The following SETD2 variants were observed in gnomAD, a reference collection of about 807,000 sequenced individuals.
SETD2 encodes histone-lysine N-methyltransferase SETD2.
Under a neutral mutation model 242.1 loss-of-function variants are expected in SETD2, and 31 were observed. The ratio of observed to expected loss-of-function variants is 0.13; its 90% CI spans 0.10 to 0.17. The LOEUF is 0.17. Among genes scored for constraint, SETD2 ranks in the 10% least tolerant of loss-of-function variants. SETD2 has a pLI of 1.00. For synonymous variants in SETD2, 1,006 were observed against 1,066.5 expected (o/e 0.94, Z 1.11); for missense variants, 2,481 against 3,046.3 (o/e 0.81, Z 4.37).
intron 12 of SETD2, among the ~76,000 whole-genome samples, chr3:47,080,155 A>G (rs1411456779): frequency 6.6e-6 from 1 of 152,206 alleles, no homozygotes; most frequent in Non-Finnish European, 1.5e-5. Context: ...AACTTTTCAT[A>G]GAGAGTTTTA....
intron 12 of SETD2, among the ~76,000 whole-genome samples, chr3:47,080,208 G>T (rs1231620722): frequency 6.6e-6 from 1 of 152,150 alleles, no homozygotes; most frequent in East Asian, 1.9e-4. Flanking sequence ...CTGAATTAAA[G>T]ATAATGTCTT....
At chr3:47,137,868 T>A (rs1201128038) in intron 1 of SETD2, among the ~76,000 whole-genome samples, 1 of 151,750 alleles carries the variant, frequency 6.6e-6, no homozygotes, top group South Asian at 2.1e-4. Context: ...ATTTTTTTTT[T>A]AGTAGAGATG....
intron 15 of SETD2, among the ~76,000 whole-genome samples, chr3:47,049,340 T>C (rs1372282355): frequency 1.7e-5 from 1 of 59,668 alleles, no homozygotes; most frequent in African/African-American, 5.5e-5. Flanking sequence ...TATATATATA[T>C]ATATATATGT....
At chr3:47,125,090 G>A (rs1205491259) in intron 2 of SETD2, among the ~76,000 whole-genome samples, 5 of 151,946 alleles carry the variant, frequency 3.3e-5, no homozygotes, top group East Asian at 3.9e-4. Context: ...AGGCCGAGGC[G>A]GGAGGATCAC....
In SETD2 at chr3:47,106,381, C is replaced by T. The variant is rs996478498; in HGVS notation, c.4716-261G>A. ...TACTACCAAAATATATATCCTTTAA[C>T]TAGATACTAAATCATTCAAGTCTGG... On this transcript the variant is annotated intron_variant, in intron 5 of 20. Coordinates refer to ENST00000409792, the MANE Select transcript of SETD2 (RefSeq NM_014159.7). 2.0e-5 allele frequency among the ~76,000 whole-genome samples: 3 copies of T among 149,866 alleles called. No individual in the cohort carries two copies. The South Asian group carries it at 6.3e-4, about 31-fold the overall frequency.
chr3:47,117,288 A>C (rs867251044), intron 3 of SETD2, among the ~76,000 whole-genome samples: 171 of 147,330 alleles, frequency 1.2e-3, no homozygotes, highest in African/African-American at 3.8e-3. Flanking sequence ...AAACAAACAA[A>C]AAAAAAAACA....
chr3:47,150,709 C>T (rs7645107), intron 1 of SETD2, among the ~76,000 whole-genome samples: 3 of 151,942 alleles, frequency 2.0e-5, no homozygotes, highest in African/African-American at 4.8e-5. Flanking sequence ...AGGCTGGGCA[C>T]GGTGTCTCAC....
chr3:47,159,030 C>T (rs2106850107), intron 1 of SETD2, among the ~76,000 whole-genome samples: 1 of 152,194 alleles, frequency 6.6e-6, no homozygotes, highest in African/African-American at 2.4e-5. Context: ...ATAGTTCCAG[C>T]TACTCAGGAG....
intron 1 of SETD2, among the ~76,000 whole-genome samples, chr3:47,139,596 C>T (rs1269181128): frequency 6.6e-6 from 1 of 152,120 alleles, no homozygotes; most frequent in Non-Finnish European, 1.5e-5. Context: ...TTAGCTTCCT[C>T]ACTTCAAGCA....
chr3:47,133,564 C>G (rs997080105), intron 1 of SETD2, among the ~76,000 whole-genome samples: 1 of 152,030 alleles, frequency 6.6e-6, no homozygotes, highest in African/African-American at 2.4e-5. Flanking sequence ...GAAACCCCAT[C>G]TCTACTAAAA....
chr3:47,036,693 A>C (rs1001619973), intron 18 of SETD2, among the ~76,000 whole-genome samples: 1 of 151,910 alleles, frequency 6.6e-6, no homozygotes, highest in African/African-American at 2.4e-5. Flanking sequence ...ACCTGTGGTC[A>C]GGAGTTCAAA....
At chr3:47,099,496 G>A (rs755243238) in intron 8 of SETD2, among the ~76,000 whole-genome samples, 1 of 152,172 alleles carries the variant, frequency 6.6e-6, no homozygotes, top group Non-Finnish European at 1.5e-5. Flanking sequence ...CTTTCATTAT[G>A]AGGCACACAT....
At chr3:47,068,572 C>G (rs1263053472) in intron 12 of SETD2, among the ~76,000 whole-genome samples, 1 of 146,580 alleles carries the variant, frequency 6.8e-6, no homozygotes, top group Admixed American at 7.0e-5. Flanking sequence ...TCTCAGCTTA[C>G]TGCAACCTCT....
At chr3:47,095,842 T>C (rs1483680738) in intron 9 of SETD2, among the ~76,000 whole-genome samples, 4 of 152,072 alleles carry the variant, frequency 2.6e-5, no homozygotes, top group Admixed American at 2.6e-4. Flanking sequence ...GAAATAAATG[T>C]TCATCTACAT....
chr3:47,041,354 A>G, intron 17 of SETD2: 1 of 448,782 alleles, frequency 2.2e-6, no homozygotes, highest in Non-Finnish European at 4.5e-6. Flanking sequence ...AATTACTAAA[A>G]CTAACAGTTG....
intron 1 of SETD2, among the ~76,000 whole-genome samples, chr3:47,160,824 G>A (rs1000086867): frequency 1.1e-4 from 16 of 152,182 alleles, no homozygotes; most frequent in Admixed American, 6.5e-4. Context: ...CTACTTTGCC[G>A]TGTCCTCAAC....
intron 5 of SETD2, 67 bp downstream of exon 5, chr3:47,113,809 A>G: frequency 1.3e-6 from 2 of 1,522,734 alleles, no homozygotes; most frequent in Non-Finnish European, 1.8e-6. Flanking sequence ...ACTGCACTCC[A>G]GTCTGGGTGA....
intron 12 of SETD2, among the ~76,000 whole-genome samples, chr3:47,076,621 C>T (rs547427765): frequency 1.3e-3 from 194 of 152,250 alleles, no homozygotes; most frequent in African/African-American, 4.5e-3. Flanking sequence ...TGAGGGGAAA[C>T]AAGCATCTAC....
At chr3:47,153,112 G>A (rs2044034763) in intron 1 of SETD2, among the ~76,000 whole-genome samples, 1 of 152,154 alleles carries the variant, frequency 6.6e-6, no homozygotes, top group African/African-American at 2.4e-5. Context: ...TTGAGACCAA[G>A]AGTTCAAGAC....
Sources: allele counts gnomAD v4.1 joint callset (sites outside exome capture counted in the v4.1 genomes callset), GRCh38; gene constraint gnomAD v4.1.1; transcripts MANE v1.5; gene names NCBI Gene and HGNC (gene_info 2026-07-23, HGNC 2026-07-21).